The following NOVA1 variants were observed in gnomAD, a reference collection of about 807,000 sequenced individuals.
NOVA1 encodes NOVA alternative splicing regulator 1, also known as RNA-binding protein Nova-1.
Under a neutral mutation model 38.0 loss-of-function variants are expected in NOVA1, and 7 were observed. The observed-to-expected ratio is 0.18, with a 90% CI of 0.10 to 0.35. The LOEUF (loss-of-function observed/expected upper bound fraction) is 0.35, where lower values mean the gene tolerates loss of function less well. Among genes scored for constraint, NOVA1 ranks in the 10% least tolerant of loss-of-function variants. NOVA1 has a pLI of 1.00. For missense variants in NOVA1, 460 were observed against 616.0 expected (o/e 0.75, Z 2.68); for synonymous variants, 270 against 232.5 (o/e 1.16, Z -1.47).
intron 2 of NOVA1, among the ~76,000 whole-genome samples, chr14:26,582,534 A>C (rs909952169): frequency 8.6e-5 from 13 of 151,850 alleles, no homozygotes; most frequent in Non-Finnish European, 1.5e-4. Flanking sequence ...TTCTAAAAAT[A>C]AAAATATTGT....
intron 2 of NOVA1, among the ~76,000 whole-genome samples, chr14:26,581,864 GACATATC>G (rs1048265510): frequency 1.1e-4 from 16 of 151,758 alleles, no homozygotes; most frequent in Non-Finnish European, 1.8e-4. Flanking sequence ...TTATTAACTT[GACATATC>G]ACAAATAATT....
At chr14:26,582,678 C>T (rs890471765) in intron 2 of NOVA1, among the ~76,000 whole-genome samples, 1 of 151,728 alleles carries the variant, frequency 6.6e-6, no homozygotes, top group African/African-American at 2.4e-5. Flanking sequence ...ATGTTTTTTA[C>T]TTCTCACTAA....
intron 2 of NOVA1, among the ~76,000 whole-genome samples, chr14:26,501,784 T>C (rs1887260312): frequency 6.6e-6 from 1 of 151,960 alleles, no homozygotes; most frequent in African/African-American, 2.4e-5. Flanking sequence ...AAAAATTTAC[T>C]ATGCTCTTCT....
chr14:26,494,665 G>T (rs1279155532), intron 2 of NOVA1, among the ~76,000 whole-genome samples: 1 of 152,082 alleles, frequency 6.6e-6, no homozygotes, highest in South Asian at 2.1e-4. Context: ...CTCTTCCCAG[G>T]ATGATGTTCA....
At chr14:26,545,511 A>C (rs760204180) in intron 2 of NOVA1, among the ~76,000 whole-genome samples, 1 of 152,122 alleles carries the variant, frequency 6.6e-6, no homozygotes, top group Non-Finnish European at 1.5e-5. Flanking sequence ...CTGAAGACAT[A>C]AGGGTGAGCC....
At chr14:26,543,837 G>A (rs1050824679) in intron 2 of NOVA1, among the ~76,000 whole-genome samples, 4 of 152,116 alleles carry the variant, frequency 2.6e-5, no homozygotes, top group Non-Finnish European at 4.4e-5. Flanking sequence ...AGATCATCTA[G>A]GCTACAGTTG....
At chr14:26,497,113 T>G (rs1414781694) in intron 2 of NOVA1, among the ~76,000 whole-genome samples, 4 of 152,138 alleles carry the variant, frequency 2.6e-5, no homozygotes, top group Non-Finnish European at 5.9e-5. Context: ...GGATACAAAA[T>G]CAATGTACAA....
At position 26,480,009 on chromosome 14, in the gene NOVA1, G is replaced by A; in HGVS notation, c.415C>T (p.Gln139Ter). The A allele has an allele frequency of 6.2e-7, 1 of 1,614,004 alleles. No homozygotes were observed. The highest frequency in any genetic ancestry group is 8.5e-7 in the Non-Finnish European group (1 of 1,179,976). ...KTEPVSILQPQTTVNPDRIKQ... is the reference protein window; with the variant it reads ...KTEPVSILQP ...ATGCGATCTGGATTAACGGTGGTCT[G>A]GGGTTGTAGAATGCTGACTGGTTCT... Residue 139 changes from glutamine (Q) to a stop codon, truncating the protein, a stop_gained, in exon 3 of 5, where the codon CAG becomes TAG. Transcript: ENST00000539517. LOFTEE classifies it high-confidence loss of function.
intron 2 of NOVA1, among the ~76,000 whole-genome samples, chr14:26,492,304 A>C (rs1426246315): frequency 6.6e-6 from 1 of 152,166 alleles, no homozygotes; most frequent in Non-Finnish European, 1.5e-5. Flanking sequence ...TGTCATCCGC[A>C]AATAGAGATA....
chr14:26,587,969 T>C (rs61988064), intron 2 of NOVA1, among the ~76,000 whole-genome samples: 6,229 of 151,212 alleles, frequency 0.041, 188 homozygotes, highest in South Asian at 0.1. Context: ...AAAATCAGAA[T>C]GATTTTTTAG....
chr14:26,488,015 T>C (rs1886051802), intron 2 of NOVA1, among the ~76,000 whole-genome samples: 1 of 152,038 alleles, frequency 6.6e-6, no homozygotes, highest in African/African-American at 2.4e-5. Flanking sequence ...TACCCTACAA[T>C]TACTGAGGAG....
rs1890800421 is a variant in NOVA1, at chr14:26,546,562, G to A, written c.280+48848C>T. On this transcript the variant is annotated intron_variant, in intron 2 of 4. Transcript: ENST00000539517. ...GTTTAAATTGAATAAATTCTGCAATGAAAAATATATTGCCATATAGTTTCC... is the reference window on the plus strand; with the variant it reads ...GTTTAAATTGAATAAATTCTGCAATAAAAAATATATTGCCATATAGTTTCC... Among the ~76,000 whole-genome samples, 5 of 152,170 alleles carry A rather than the reference G, an allele frequency of 3.3e-5. No individual in the cohort carries two copies. In the South Asian group the frequency reaches 6.2e-4, roughly 19 times the overall value.
At chr14:26,499,249 C>T (rs1165389890) in intron 2 of NOVA1, among the ~76,000 whole-genome samples, 1 of 151,930 alleles carries the variant, frequency 6.6e-6, no homozygotes, top group African/African-American at 2.4e-5. Context: ...AACCATTTCA[C>T]TGTTTAAAAA....
At chr14:26,488,567 G>C (rs564096936) in intron 2 of NOVA1, among the ~76,000 whole-genome samples, 2 of 151,942 alleles carry the variant, frequency 1.3e-5, no homozygotes, top group East Asian at 1.9e-4. Flanking sequence ...TAAATTTTGA[G>C]GCCATGCAAA....
chr14:26,597,899 G>A lies in NOVA1; in HGVS notation c.-463C>T, dbSNP rs1032429877. ...GAATGAGCAGGAGGAGGGGAAGGAGGTGGATGCCGAGAGAGGAGCGAGCGG... is the reference window on the plus strand; with the variant it reads ...GAATGAGCAGGAGGAGGGGAAGGAGATGGATGCCGAGAGAGGAGCGAGCGG... On this transcript the variant is annotated 5_prime_UTR_variant, in exon 1 of 5. Transcript: ENST00000539517. The A allele has an allele frequency of 3.2e-5, 5 of 154,536 alleles. No individual in the cohort carries two copies. Among genetic ancestry groups the A allele is most frequent in the Middle Eastern group, 3.2e-3 (1 of 308 alleles). The allele number at this position is 154,536 out of a possible 1,614,324, so 9.6% of individuals were successfully genotyped here.
chr14:26,521,432 C>A (rs534887565), intron 2 of NOVA1, among the ~76,000 whole-genome samples: 1 of 152,164 alleles, frequency 6.6e-6, no homozygotes, highest in African/African-American at 2.4e-5. Context: ...AACAGACTCA[C>A]GAACTCTATT....
At chr14:26,524,592 C>G (rs916639465) in intron 2 of NOVA1, among the ~76,000 whole-genome samples, 4 of 152,104 alleles carry the variant, frequency 2.6e-5, no homozygotes, top group Admixed American at 6.6e-5. Context: ...GCCAACATGA[C>G]CTAGCAGTCT....
intron 2 of NOVA1, chr14:26,519,498 G>C (rs1387166352): frequency 6.6e-6 from 1 of 152,132 alleles, no homozygotes; most frequent in African/African-American, 2.4e-5. Flanking sequence ...TGATGTAGTG[G>C]TTCTTAGGTT....
chr14:26,485,890 G>A (rs1594380740), intron 2 of NOVA1, among the ~76,000 whole-genome samples: 1 of 152,206 alleles, frequency 6.6e-6, no homozygotes, highest in East Asian at 1.9e-4. Context: ...ATACAAAAAT[G>A]TAGTAGAAAA....
Sources: gnomAD v4.1 joint callset for allele counts (sites outside exome capture counted in the v4.1 genomes callset) on GRCh38, gnomAD v4.1.1 for gene constraint, MANE v1.5 for transcripts, NCBI Gene and HGNC (gene_info 2026-07-23, HGNC 2026-07-21) for gene names.